The following ZRANB1 variants were observed in gnomAD, a reference collection of about 807,000 sequenced individuals.
ZRANB1 encodes the protein ubiquitin thioesterase ZRANB1.
In ZRANB1, 16 loss-of-function variants were observed where a neutral mutation model predicts 80.5. The observed-to-expected ratio is 0.20, with a 90% CI of 0.13 to 0.30. ZRANB1 has a LOEUF of 0.30. ZRANB1 is among the 10% of genes least tolerant of loss of function. The pLI is 1.00. For synonymous variants in ZRANB1, 291 were observed against 293.1 expected (o/e 0.99, Z 0.07); for missense variants, 576 against 862.6 (o/e 0.67, Z 4.16).
At chr10:124,932,135 C>CTTTAT in the ZRANB1 span, among the ~76,000 whole-genome samples, 2 of 152,140 alleles carry the variant, frequency 1.3e-5, no homozygotes, top group African/African-American at 4.8e-5. Context: ...CTTTCTGTAG[C>CTTTAT]TTTATAGCCC....
the ZRANB1 span, among the ~76,000 whole-genome samples, chr10:124,918,878 G>A: frequency 6.6e-6 from 1 of 152,132 alleles, no homozygotes; most frequent in Admixed American, 6.6e-5. Context: ...GAGATAGTAG[G>A]ACAGTAATGA....
Position 124,983,129 on chromosome 10 carries a change from C to T in ZRANB1, c.1549-46C>T. On this transcript the variant is annotated intron_variant, in intron 6 of 8. Coordinates refer to ENST00000359653, the MANE Select transcript of ZRANB1 (RefSeq NM_017580.3). The surrounding 1 kb of genome is among the most constrained non-coding windows in gnomAD (Gnocchi z 6.2). Reference sequence around the variant, plus strand: ...TATTGTTTTTTACACATCAGTTTTCCAGGAGTGGTAATAAATGTTTTAAGT... The same window carrying T: ...TATTGTTTTTTACACATCAGTTTTCTAGGAGTGGTAATAAATGTTTTAAGT... The T allele has an allele frequency of 6.4e-7, 1 of 1,572,800 alleles. No homozygotes were observed. Among genetic ancestry groups the T allele is most frequent in the Non-Finnish European group, 8.6e-7 (1 of 1,160,104 alleles).
chr10:124,932,567 AG>A, the ZRANB1 span, among the ~76,000 whole-genome samples: 6 of 151,994 alleles, frequency 3.9e-5, no homozygotes, highest in Non-Finnish European at 7.4e-5. Context: ...CTGGGATTAC[AG>A]GTATGATTTT....
At chr10:124,919,696 C>T in the ZRANB1 span, among the ~76,000 whole-genome samples, 50 of 149,536 alleles carry the variant, frequency 3.3e-4, no homozygotes, top group African/African-American at 1.2e-3. Context: ...ACTGCAACCT[C>T]CGCCTTCCGT....
intron 2 of ZRANB1, among the ~76,000 whole-genome samples, chr10:124,970,746 G>A (rs537354464): frequency 6.6e-5 from 10 of 152,064 alleles, no homozygotes; most frequent in Non-Finnish European, 1.3e-4. Flanking sequence ...CCCCACTGTG[G>A]CTGGAAGGCT....
intron 1 of ZRANB1, among the ~76,000 whole-genome samples, chr10:124,959,218 C>G (rs1456732108): frequency 6.6e-6 from 1 of 152,048 alleles, no homozygotes; most frequent in Admixed American, 6.5e-5. Flanking sequence ...GACATCTAAG[C>G]TGAAACTTGA....
chr10:124,943,490 A>G (rs1951553858), intron 1 of ZRANB1, among the ~76,000 whole-genome samples, 183 bp downstream of exon 1: 1 of 151,608 alleles, frequency 6.6e-6, no homozygotes, highest in South Asian at 2.1e-4. Flanking sequence ...CTTGGGTAAC[A>G]TAGTGAGACT....
the ZRANB1 span, among the ~76,000 whole-genome samples, chr10:124,936,594 A>T: frequency 6.6e-6 from 1 of 152,212 alleles, no homozygotes. Context: ...GATCTTCACG[A>T]TCCTGGTCTA....
intron 5 of ZRANB1, among the ~76,000 whole-genome samples, chr10:124,976,979 G>GT (rs1231665543): frequency 2.0e-5 from 3 of 151,410 alleles, no homozygotes; most frequent in Admixed American, 2.0e-4. Flanking sequence ...GGTGGTGTTT[G>GT]TTTTTTGAGA....
chr10:124,942,241 T>C lies in ZRANB1; in HGVS notation c.-253T>C. The C allele has an allele frequency of 5.3e-6, 7 of 1,308,554 alleles. No homozygotes were observed. The highest frequency in any genetic ancestry group is 6.8e-6 in the Non-Finnish European group (7 of 1,027,484). 81.1% of individuals were successfully genotyped at this position (1,308,554 alleles called of 1,614,324 possible). The stretch of plus-strand genomic sequence containing the variant: ...TCTTTTGCATTCCAAAGTTCAGTTT[T>C]ATTAAATCCCAGGGTCTAAGATTTT... On this transcript the variant is annotated 5_prime_UTR_variant, in exon 1 of 9. Transcript: ENST00000359653.
Position 124,983,039 on chromosome 10 carries a change from A to G in ZRANB1, c.1549-136A>G. ...CTGGATTTATTATTTGAGGAATCAA[A>G]TGCTGCTTTGACAATCTTTTCTTTC... On this transcript the variant is annotated intron_variant, in intron 6 of 8. Transcript: ENST00000359653. This position sits in a 1 kb window ranked among gnomAD's most constrained non-coding sequence, Gnocchi z 6.2. 1 of 825,212 alleles carries G rather than the reference A, an allele frequency of 1.2e-6. No individual in the cohort carries two copies. The highest frequency in any genetic ancestry group is 1.8e-6 in the Non-Finnish European group (1 of 547,174). 51.1% of individuals were successfully genotyped at this position (825,212 alleles called of 1,614,324 possible).
intron 1 of ZRANB1, among the ~76,000 whole-genome samples, chr10:124,963,554 G>GTTTTTTTTTTTTTTTTTTTTTTTTTT (rs760813299): frequency 3.5e-5 from 2 of 57,510 alleles, no homozygotes; most frequent in Admixed American, 2.4e-4. Context: ...TTTTTTGTTT[G>GTTTTTTTTTTTTTTTTTTTTTTTTTT]TTTTTTTTTT....
chr10:124,975,036 C>T (rs962390068), intron 5 of ZRANB1, among the ~76,000 whole-genome samples: 3 of 152,182 alleles, frequency 2.0e-5, no homozygotes, highest in Non-Finnish European at 2.9e-5. Flanking sequence ...TGATCTCAAG[C>T]GATCCGCCTG....
intron 2 of ZRANB1, 63 bp downstream of exon 2, chr10:124,966,844 T>A: frequency 6.9e-7 from 1 of 1,439,438 alleles, no homozygotes; most frequent in Non-Finnish European, 9.5e-7. Flanking sequence ...TTAGTTTTCA[T>A]TTTTGATTTT....
intron 5 of ZRANB1, among the ~76,000 whole-genome samples, chr10:124,980,437 T>G (rs1015537380): frequency 1.3e-5 from 2 of 152,220 alleles, no homozygotes; most frequent in South Asian, 2.1e-4. Context: ...AAAGTTATTT[T>G]AGGCACCAAG....
upstream of ZRANB1, among the ~76,000 whole-genome samples, chr10:124,940,243 T>G (rs1026607607): frequency 6.6e-6 from 1 of 152,250 alleles, no homozygotes; most frequent in Non-Finnish European, 1.5e-5. Context: ...ATTAAAATTC[T>G]AAATATAGTT....
intron 1 of ZRANB1, among the ~76,000 whole-genome samples, chr10:124,963,625 A>G (rs1457804725): frequency 6.8e-6 from 1 of 146,270 alleles, no homozygotes; most frequent in Admixed American, 7.1e-5. Flanking sequence ...TTAAGTAGAA[A>G]ACATGCGGTG....
At chr10:124,979,043 A>T (rs1482944377) in intron 5 of ZRANB1, among the ~76,000 whole-genome samples, 1 of 152,070 alleles carries the variant, frequency 6.6e-6, no homozygotes, top group Non-Finnish European at 1.5e-5. Context: ...AAAACAAAGA[A>T]AAACACAATG....
the ZRANB1 span, among the ~76,000 whole-genome samples, chr10:124,934,785 GAT>G: frequency 1.3e-5 from 2 of 152,170 alleles, no homozygotes; most frequent in Non-Finnish European, 2.9e-5. Flanking sequence ...TGAAGTAGAT[GAT>G]ATTTAAAGCC....
Sources: allele counts gnomAD v4.1 joint callset (sites outside exome capture counted in the v4.1 genomes callset), GRCh38; gene constraint gnomAD v4.1.1; non-coding constraint Gnocchi (gnomAD v3.1); transcripts MANE v1.5; gene names NCBI Gene and HGNC (gene_info 2026-07-23, HGNC 2026-07-21).